The following FREM3 variants were observed in gnomAD, a reference collection of about 807,000 sequenced individuals.
The protein encoded by FREM3 is FRAS1 related extracellular matrix 3.
Under a neutral mutation model 129.1 loss-of-function variants are expected in FREM3, and 105 were observed. The observed-to-expected ratio is 0.81, with a 90% CI of 0.69 to 0.96. The LOEUF is 0.96. FREM3 is among the 40% of genes least tolerant of loss of function. The pLI is 0.00. For synonymous variants in FREM3, 1,014 were observed against 1,044.9 expected (o/e 0.97, Z 0.57); for missense variants, 2,593 against 2,666.3 (o/e 0.97, Z 0.61).
At chr4:143,579,376 C>T (rs962521458) in intron 7 of FREM3, among the ~76,000 whole-genome samples, 1 of 152,128 alleles carries the variant, frequency 6.6e-6, no homozygotes, top group Non-Finnish European at 1.5e-5. Context: ...TCAATTGAAC[C>T]TGGGAAGCAG....
intron 6 of FREM3, among the ~76,000 whole-genome samples, chr4:143,603,461 T>A (rs1738610681): frequency 6.6e-6 from 1 of 152,144 alleles, no homozygotes; most frequent in South Asian, 2.1e-4. Flanking sequence ...TGTCTCTGAT[T>A]ATGATGACCT....
Position 143,693,197 on chromosome 4 carries a change from T to A in FREM3, c.5191A>T (p.Ile1731Phe). 6.7e-7 allele frequency: 1 copy of A among 1,489,412 alleles called. No homozygotes were observed. The highest frequency in any genetic ancestry group is 8.9e-7 in the Non-Finnish European group (1 of 1,119,606). 92.3% of individuals were successfully genotyped at this position (1,489,412 alleles called of 1,614,324 possible). Residue 1731 changes from isoleucine (I) to phenylalanine (F), a missense_variant, in exon 2 of 8, where the codon ATT becomes TTT. This residue lies in a region of FREM3 where 2,276 missense variants were observed against 2,267.2 expected (regional missense o/e 1.00). Transcript: ENST00000329798. ...QSTRVFTQAD[I>F]DEMKISYVLN... Reference sequence around the variant, plus strand: ...ACATAGGATATCTTCATCTCATCAATGTCAGCTAAAAAAAAAGCAACCATC... The same window carrying A: ...ACATAGGATATCTTCATCTCATCAAAGTCAGCTAAAAAAAAAGCAACCATC...
intron 5 of FREM3, among the ~76,000 whole-genome samples, chr4:143,612,794 A>T (rs59025865): frequency 0.089 from 13,604 of 152,208 alleles, 1,747 homozygotes; most frequent in African/African-American, 0.29. Context: ...CAGAACAAAG[A>T]CTATGAAATA....
At chr4:143,664,355 G>T (rs1739808031) in intron 2 of FREM3, among the ~76,000 whole-genome samples, 1 of 152,150 alleles carries the variant, frequency 6.6e-6, no homozygotes, top group Non-Finnish European at 1.5e-5. Flanking sequence ...GTCCACTCCA[G>T]ACCCTGTTTG....
chr4:143,692,331 C>T (rs1475727999), intron 2 of FREM3, among the ~76,000 whole-genome samples: 3 of 152,086 alleles, frequency 2.0e-5, no homozygotes, highest in Non-Finnish European at 2.9e-5. Context: ...GACTACTTTA[C>T]AATAAATTCA....
intron 2 of FREM3, among the ~76,000 whole-genome samples, chr4:143,667,921 G>T (rs146017230): frequency 6.6e-6 from 1 of 152,080 alleles, no homozygotes; most frequent in East Asian, 1.9e-4. Flanking sequence ...CTGTTTCAGA[G>T]AATTTGTACT....
intron 5 of FREM3, among the ~76,000 whole-genome samples, chr4:143,617,605 C>T (rs537451013): frequency 1.1e-4 from 16 of 151,756 alleles, no homozygotes; most frequent in Non-Finnish European, 1.9e-4. Context: ...TATTCTTTAA[C>T]TAAGATTTCC....
chr4:143,644,167 T>C (rs1739372607), intron 2 of FREM3, among the ~76,000 whole-genome samples: 1 of 140,088 alleles, frequency 7.1e-6, no homozygotes, highest in Non-Finnish European at 1.6e-5. Context: ...ATTCCCCTCC[T>C]GCTCTGCATA....
In FREM3 at chr4:143,700,067, C is replaced by A. The variant is rs753003547; in HGVS notation, c.609G>T (p.Thr203=). 6.6e-7 allele frequency: 1 copy of A among 1,524,028 alleles called. No homozygotes were observed. The highest frequency in any genetic ancestry group is 8.8e-7 in the Non-Finnish European group (1 of 1,137,372). The allele number at this position is 1,524,028 out of a possible 1,614,324, so 94.4% of individuals were successfully genotyped here. A position where few individuals can be genotyped will look rare whatever the true frequency, so the allele number is the denominator to read the frequency against. ...LDFASLKSGA[T]ATRRCRLTPL... is the part of the protein sequence containing the mutation. The stretch of plus-strand genomic sequence containing the variant: ...GGGTAAGCCGGCACCTGCGGGTGGC[C>A]GTGGCTCCAGACTTCAGGGAGGCGA... The change falls in exon 1 of 8, where the codon ACG becomes ACT. Residue 203 remains threonine, a synonymous_variant. Coordinates refer to ENST00000329798, the MANE Select transcript of FREM3 (RefSeq NM_001168235.2).
In FREM3 at chr4:143,694,377, A is replaced by C. The variant is rs187764080; in HGVS notation, c.5185+1114T>G. On this transcript the variant is annotated intron_variant, in intron 1 of 7. Transcript: ENST00000329798. ...AAAATGAATTTAAACAAGAATAATT[A>C]CTGCATCCTAAGAAAAAAGAAAATG... Among the ~76,000 whole-genome samples, 247 of 152,306 alleles carry C rather than the reference A, an allele frequency of 1.6e-3. 1 individual carries two copies. Among genetic ancestry groups the C allele is most frequent in the African/African-American group, 5.8e-3 (240 of 41,564 alleles).
chr4:143,695,487 T>C lies in FREM3; in HGVS notation c.5185+4A>G, dbSNP rs1328700757. Reference sequence around the variant, plus strand: ...AGAATAGGCAGGGAAGAATACATACTAACCTTGTGTAAACACTCGAGTGCT... The same window carrying C: ...AGAATAGGCAGGGAAGAATACATACCAACCTTGTGTAAACACTCGAGTGCT... On this transcript the variant is annotated splice_donor_region_variant and intron_variant, in intron 1 of 7. Coordinates refer to ENST00000329798, the MANE Select transcript of FREM3 (RefSeq NM_001168235.2). 6.5e-7 allele frequency: 1 copy of C among 1,534,826 alleles called. No homozygotes were observed. The highest frequency in any genetic ancestry group is 1.4e-5 in the African/African-American group (1 of 72,910).
At chr4:143,644,603 A>C (rs1427862955) in intron 2 of FREM3, among the ~76,000 whole-genome samples, 1 of 152,164 alleles carries the variant, frequency 6.6e-6, no homozygotes, top group African/African-American at 2.4e-5. Flanking sequence ...AATAACTTTG[A>C]GTATAGTAAT....
rs958410287 is a variant in FREM3 at position 143,669,118 on chromosome 4, A to G, written c.5275+23995T>C. Among the ~76,000 whole-genome samples the G allele has an allele frequency of 2.6e-5, 4 of 152,160 alleles. No individual in the cohort carries two copies. The South Asian group carries it at 8.3e-4, about 32-fold the overall frequency. On this transcript the variant is annotated intron_variant, in intron 2 of 7. Coordinates refer to ENST00000329798, the MANE Select transcript of FREM3 (RefSeq NM_001168235.2). ...GTGGTTTCATTCAGTTGTTTATGCT[A>G]CTTGCTTAGTGAGAGGCAAAAACTC... is the stretch of plus-strand genomic sequence containing the variant.
At position 143,577,826 on chromosome 4, in the gene FREM3, G is replaced by A. The variant is rs546136838; in HGVS notation, c.6205C>T (p.Arg2069Ter). 2.0e-6 allele frequency: 3 copies of A among 1,537,132 alleles called. No homozygotes were observed. The highest frequency in any genetic ancestry group is 2.4e-5 in the South Asian group (2 of 84,036). ...EAGTDYVGISRNLDFAPGVRM... is the reference protein window; with the variant it reads ...EAGTDYVGIS Reference sequence around the variant, plus strand: ...ACGCCTGGAGCAAAGTCCAGGTTTCGGCTGATACCAACATAATCTGTTCCA... The same window carrying A: ...ACGCCTGGAGCAAAGTCCAGGTTTCAGCTGATACCAACATAATCTGTTCCA... The change falls in exon 8 of 8, where the codon CGA (arginine) becomes TGA (stop). Residue 2069 changes from arginine (R) to a stop codon, truncating the protein, a stop_gained. Transcript: ENST00000329798. LOFTEE classifies it low-confidence loss of function (END_TRUNC).
chr4:143,634,787 G>A (rs1739205971), intron 2 of FREM3, among the ~76,000 whole-genome samples: 1 of 152,080 alleles, frequency 6.6e-6, no homozygotes, highest in Admixed American at 6.6e-5. Context: ...CCTGACTTCT[G>A]AAGTCAGGGA....
intron 2 of FREM3, among the ~76,000 whole-genome samples, chr4:143,630,894 G>A (rs985203612): frequency 3.3e-5 from 5 of 152,078 alleles, no homozygotes; most frequent in African/African-American, 1.2e-4. Flanking sequence ...CTTAGAAATA[G>A]GGAAGTAAAT....
At position 143,697,227 on chromosome 4, in the gene FREM3, T is replaced by C; in HGVS notation, c.3449A>G (p.Asn1150Ser). The C allele has an allele frequency of 6.5e-7, 1 of 1,537,776 alleles. No homozygotes were observed. The highest frequency in any genetic ancestry group is 8.7e-7 in the Non-Finnish European group (1 of 1,147,002). The change falls in exon 1 of 8, where the codon AAT becomes AGT. Residue 1150 changes from asparagine (N) to serine (S), a missense_variant. By Grantham distance (46) the Asn-to-Ser change is conservative. Coordinates refer to ENST00000329798, the MANE Select transcript of FREM3 (RefSeq NM_001168235.2). ...SLRDIQVRHI[N>S]YVQSIHKGVE... ...TCCCTTGTGAATACTCTGTACATAA[T>C]TGATATGCCTCACTTGGATATCTCT...
intron 6 of FREM3, among the ~76,000 whole-genome samples, chr4:143,607,182 G>T (rs1037883205): frequency 2.6e-5 from 4 of 152,128 alleles, no homozygotes; most frequent in South Asian, 4.2e-4. Context: ...AGGCTAATTC[G>T]CAATCCCATT....
At chr4:143,657,745 T>C (rs953003387) in intron 2 of FREM3, among the ~76,000 whole-genome samples, 2 of 152,136 alleles carry the variant, frequency 1.3e-5, no homozygotes, top group African/African-American at 4.8e-5. Context: ...TTTTTAGAGA[T>C]GCTAATTTTA....
Sources: allele counts gnomAD v4.1 joint callset (sites outside exome capture counted in the v4.1 genomes callset), GRCh38; gene constraint gnomAD v4.1.1; regional missense constraint gnomAD v4.1.1; transcripts MANE v1.5; gene names NCBI Gene and HGNC (gene_info 2026-07-23, HGNC 2026-07-21).